Variants in EFCAB6 observed in about 807,000 individuals in gnomAD.
EFCAB6 encodes EF-hand calcium binding domain 6.
EFCAB6 carries 156 observed loss-of-function variants against 169.8 expected under a neutral mutation model. The ratio of observed to expected loss-of-function variants is 0.92; its 90% CI spans 0.81 to 1.05. EFCAB6 has a LOEUF of 1.05. Among genes scored for constraint, EFCAB6 ranks in the 50% least tolerant of loss-of-function variants. EFCAB6 has a pLI of 0.00. For synonymous variants in EFCAB6, 698 were observed against 676.4 expected, an observed-to-expected ratio of 1.03 and a Z score of -0.50; for missense variants, 1,800 against 1,829.1, an observed-to-expected ratio of 0.98 and a Z score of 0.29.
chr22:43,661,276 G>A (rs1444542986), intron 17 of EFCAB6, among the ~76,000 whole-genome samples: 1 of 152,092 alleles, frequency 6.6e-6, no homozygotes, highest in African/African-American at 2.4e-5. Context: ...TACTTGGGAG[G>A]CTGCAGTGGG....
chr22:43,565,136 A>G (rs548034497), intron 26 of EFCAB6, among the ~76,000 whole-genome samples: 71 of 152,364 alleles, frequency 4.7e-4, no homozygotes, highest in Non-Finnish European at 8.1e-4. Context: ...ATGTGATGGA[A>G]GGATGAAGGA....
intron 17 of EFCAB6, among the ~76,000 whole-genome samples, chr22:43,659,816 A>T (rs895462358): frequency 6.6e-6 from 1 of 152,252 alleles, no homozygotes; most frequent in Non-Finnish European, 1.5e-5. Context: ...TTTCATCAGC[A>T]GCCAAAGGGA....
In EFCAB6 at chr22:43,586,340, A is replaced by ATTTTTT. The variant is rs36058832; in HGVS notation, c.3032+3728_3032+3733dup. Among the ~76,000 whole-genome samples the ATTTTTT allele has an allele frequency of 1.4e-3, 103 of 72,920 alleles. 11 individuals are homozygous for ATTTTTT. Among genetic ancestry groups the ATTTTTT allele is most frequent in the African/African-American group, 6.0e-3 (93 of 15,428 alleles). 47.8% of individuals were successfully genotyped at this position (72,920 alleles called of 152,430 possible). ...ACTGTAAACTCTTGAGCAACAACTG[A>ATTTTTT]TTTTTTTTTTTTTTTTTTTTTTTTT... On this transcript the variant is annotated intron_variant, in intron 24 of 31. Transcript: ENST00000262726.
chr22:43,766,158 C>T (rs994970825), intron 4 of EFCAB6, among the ~76,000 whole-genome samples: 2 of 152,122 alleles, frequency 1.3e-5, no homozygotes, highest in Non-Finnish European at 2.9e-5. Context: ...GCCTCAGGTT[C>T]TGGAGCAGCT....
At chr22:43,761,346 C>T (rs887655141) in intron 5 of EFCAB6, among the ~76,000 whole-genome samples, 4 of 152,136 alleles carry the variant, frequency 2.6e-5, no homozygotes, top group Admixed American at 2.0e-4. Flanking sequence ...TATTAGGACT[C>T]CTCTTCCTGT....
intron 20 of EFCAB6, 92 bp downstream of exon 20, chr22:43,626,355 T>C: frequency 3.3e-6 from 4 of 1,225,848 alleles, no homozygotes; most frequent in South Asian, 1.4e-5. Context: ...CTCCATTCTT[T>C]GTATCCCTTT....
At chr22:43,687,061 T>C (rs923967707) in intron 11 of EFCAB6, among the ~76,000 whole-genome samples, 2 of 152,172 alleles carry the variant, frequency 1.3e-5, no homozygotes, top group African/African-American at 4.8e-5. Flanking sequence ...AATCAACATA[T>C]ATTGTTCCTT....
intron 20 of EFCAB6, among the ~76,000 whole-genome samples, chr22:43,623,975 G>C (rs2054311988): frequency 6.6e-6 from 1 of 151,922 alleles, no homozygotes; most frequent in African/African-American, 2.4e-5. Flanking sequence ...CTGCTTGGTG[G>C]TGGAGGTGGA....
In EFCAB6 at chr22:43,667,085, G is replaced by C. The variant is rs1569345846; in HGVS notation, c.1983+19C>G. ...TGAACTTCTGCAGGATAGAAACAAAGAGAAACCCATTCTCCTACCTTCTTA... is the reference window on the plus strand; with the variant it reads ...TGAACTTCTGCAGGATAGAAACAAACAGAAACCCATTCTCCTACCTTCTTA... On this transcript the variant is annotated intron_variant, in intron 17 of 31. Coordinates refer to ENST00000262726, the MANE Select transcript of EFCAB6 (RefSeq NM_022785.4). 4 of 1,607,812 alleles carry C rather than the reference G, an allele frequency of 2.5e-6. No homozygotes were observed. Among genetic ancestry groups the C allele is most frequent in the Non-Finnish European group, 3.4e-6 (4 of 1,177,034 alleles).
chr22:43,531,039 C>T (rs1403123147), intron 30 of EFCAB6, 75 bp from the exon 31 acceptor site: 5 of 1,586,368 alleles, frequency 3.2e-6, no homozygotes, highest in Non-Finnish European at 4.3e-6. Context: ...CCTCGCCTCG[C>T]CCCCGCCTCG....
chr22:43,543,490 T>C (rs1274007935), intron 27 of EFCAB6, among the ~76,000 whole-genome samples: 1 of 152,182 alleles, frequency 6.6e-6, no homozygotes, highest in Non-Finnish European at 1.5e-5. Context: ...CTCAACTCTC[T>C]GCCTCTAGGA....
chr22:43,801,504 A>G (rs1402974487), intron 2 of EFCAB6, among the ~76,000 whole-genome samples: 3 of 152,270 alleles, frequency 2.0e-5, no homozygotes, highest in African/African-American at 4.8e-5. Context: ...AAATCTCTTA[A>G]AAACAATAAT....
intron 10 of EFCAB6, among the ~76,000 whole-genome samples, chr22:43,688,154 T>C (rs547787790): frequency 3.3e-5 from 5 of 152,220 alleles, no homozygotes; most frequent in Non-Finnish European, 5.9e-5. Context: ...GCTGGTGGCT[T>C]TGAAAGACAG....
rs1027333021 is a variant in EFCAB6 at position 43,706,747 on chromosome 22, A to G, written c.1031+4728T>C. Among the ~76,000 whole-genome samples, 13 of 152,182 alleles carry G rather than the reference A, an allele frequency of 8.5e-5. No individual in the cohort carries two copies. In the South Asian group the frequency reaches 2.1e-3, roughly 24 times the overall value. ...TCTCTGGATGGAATGGCTTTTTCCA[A>G]TGTGTCCACGTCAGAAACTCCTATT... On this transcript the variant is annotated intron_variant, in intron 10 of 31. Coordinates refer to ENST00000262726, the MANE Select transcript of EFCAB6 (RefSeq NM_022785.4).
chr22:43,791,054 T>C (rs1015987661), intron 2 of EFCAB6, among the ~76,000 whole-genome samples: 1 of 152,188 alleles, frequency 6.6e-6, no homozygotes, highest in Non-Finnish European at 1.5e-5. Flanking sequence ...ATATACTGAA[T>C]AGGTCACTGA....
intron 2 of EFCAB6, among the ~76,000 whole-genome samples, chr22:43,788,954 A>G (rs1209253310): frequency 1.2e-4 from 18 of 152,256 alleles, no homozygotes; most frequent in Admixed American, 1.2e-3. Flanking sequence ...CCTTGAAAAC[A>G]TTATGCTAAG....
intron 17 of EFCAB6, among the ~76,000 whole-genome samples, chr22:43,654,956 G>A (rs576749050): frequency 6.6e-6 from 1 of 152,042 alleles, no homozygotes; most frequent in African/African-American, 2.4e-5. Flanking sequence ...TAATGCCTGT[G>A]AGATTTAAAA....
intron 25 of EFCAB6, among the ~76,000 whole-genome samples, chr22:43,579,200 GTACATGCAGGCATCATTCCC>G (rs2050496949): frequency 7.5e-6 from 1 of 134,144 alleles, no homozygotes; most frequent in Non-Finnish European, 1.6e-5. Context: ...GCATCATTCC[GTACATGCAGGCATCATTCCC>G]TACATGCAGG....
At chr22:43,676,144 G>A (rs930699732) in intron 13 of EFCAB6, among the ~76,000 whole-genome samples, 3 of 152,090 alleles carry the variant, frequency 2.0e-5, no homozygotes, top group East Asian at 1.9e-4. Flanking sequence ...CAGGCCAGGC[G>A]CGGTGGCTCA....
Sources: gnomAD v4.1 joint callset for allele counts (sites outside exome capture counted in the v4.1 genomes callset) on GRCh38, gnomAD v4.1.1 for gene constraint, MANE v1.5 for transcripts, NCBI Gene and HGNC (gene_info 2026-07-23, HGNC 2026-07-21) for gene names.